The following CYFIP2 variants were observed in gnomAD, a reference collection of about 807,000 sequenced individuals.
The protein encoded by CYFIP2 is cytoplasmic FMR1 interacting protein 2.
CYFIP2 carries 29 observed loss-of-function variants against 158.7 expected under a neutral mutation model. The ratio of observed to expected loss-of-function variants is 0.18; its 90% CI spans 0.14 to 0.25. CYFIP2 has a LOEUF of 0.25. Among genes scored for constraint, CYFIP2 ranks in the 10% least tolerant of loss-of-function variants. The pLI is 1.00. For missense variants in CYFIP2, 852 were observed against 1,639.5 expected (o/e 0.52, Z 8.29); for synonymous variants, 585 against 617.6 (o/e 0.95, Z 0.78).
intron 3 of CYFIP2, among the ~76,000 whole-genome samples, 156 bp from the exon 4 acceptor site, chr5:157,294,627 G>A (rs542906162): frequency 6.6e-6 from 1 of 152,266 alleles, no homozygotes; most frequent in South Asian, 2.1e-4. Flanking sequence ...TAGGCCCAGG[G>A]AGGGACCTGA....
chr5:157,287,132 G>A, intron 3 of CYFIP2, 24 bp downstream of exon 3: 1 of 1,601,404 alleles, frequency 6.2e-7, no homozygotes, highest in Non-Finnish European at 8.6e-7. Flanking sequence ...ACCCACGTGT[G>A]CAGACATGCT....
chr5:157,291,889 A>T (rs1757845893), intron 3 of CYFIP2, among the ~76,000 whole-genome samples: 1 of 152,226 alleles, frequency 6.6e-6, no homozygotes, highest in Middle Eastern at 3.2e-3. Flanking sequence ...GAGATGGCCT[A>T]GTAAAATTCT....
chr5:157,303,187 GA>G (rs1758923209), intron 7 of CYFIP2: 3 of 288,952 alleles, frequency 1.0e-5, no homozygotes, highest in Non-Finnish European at 2.0e-5. Context: ...TGTAATCCTA[GA>G]CCACCACTGA....
At chr5:157,327,899 G>A (rs574422665) in intron 18 of CYFIP2, 74 bp from the exon 19 acceptor site, 1 of 1,439,556 alleles carries the variant, frequency 6.9e-7, no homozygotes, top group Non-Finnish European at 9.7e-7. Context: ...CCTGACTGCT[G>A]TCTTTCAGTT....
At position 157,285,545 on chromosome 5, in the gene CYFIP2, C is replaced by G. The variant is rs968323449; in HGVS notation, c.117+67C>G. 7.7e-6 allele frequency: 11 copies of G among 1,420,184 alleles called. No individual in the cohort carries two copies. In the East Asian group the frequency reaches 2.5e-4, roughly 32 times the overall value. The allele number at this position is 1,420,184 out of a possible 1,614,324, so 88.0% of individuals were successfully genotyped here. A position where few individuals can be genotyped will look rare whatever the true frequency, so the allele number is the denominator to read the frequency against. On this transcript the variant is annotated intron_variant, in intron 2 of 30. Coordinates refer to ENST00000620254, the MANE Select transcript of CYFIP2 (RefSeq NM_001037333.3). ...TGGGGATCCCCTAAGAGAGTTTGCC[C>G]TAAGGCAGAGGGAAGGGGAGGTCTG... is the stretch of plus-strand genomic sequence containing the variant.
intron 1 of CYFIP2, among the ~76,000 whole-genome samples, chr5:157,268,422 A>G (rs550196755): frequency 1.3e-5 from 2 of 152,332 alleles, no homozygotes; most frequent in East Asian, 1.9e-4. Flanking sequence ...CTGGTAGAAC[A>G]CTACATGACC....
rs143886830 is a variant in CYFIP2 at position 157,322,852 on chromosome 5, T to TTCTC, written c.1672-1055_1672-1052dup. On this transcript the variant is annotated intron_variant, in intron 15 of 30. Transcript: ENST00000620254. ...CCACCGTATACAATACCTCTTGCTTTTCTCTCTCTCTCTCTCTTTCTCTCT... is the reference window on the plus strand; with the variant it reads ...CCACCGTATACAATACCTCTTGCTTTTCTCTCTCTCTCTCTCTCTCTTTCTCTCT... The TTCTC allele has an allele frequency of 8.8e-6, 11 of 1,248,704 alleles. No individual in the cohort carries two copies. In the East Asian group the frequency reaches 1.1e-4, roughly 12 times the overall value. 77.4% of individuals were successfully genotyped at this position (1,248,704 alleles called of 1,614,324 possible). A position where few individuals can be genotyped will look rare whatever the true frequency, so the allele number is the denominator to read the frequency against.
chr5:157,348,839 C>T (rs977036650), intron 23 of CYFIP2, among the ~76,000 whole-genome samples: 2 of 152,118 alleles, frequency 1.3e-5, no homozygotes, highest in Non-Finnish European at 2.9e-5. Context: ...CATGCCTCTT[C>T]CCAAGAGCTA....
chr5:157,359,436 C>T (rs1047688863), intron 24 of CYFIP2, among the ~76,000 whole-genome samples: 6 of 152,172 alleles, frequency 3.9e-5, no homozygotes, highest in Non-Finnish European at 8.8e-5. Flanking sequence ...TGTCCTTCAG[C>T]GCTTGCCACT....
intron 8 of CYFIP2, chr5:157,304,882 A>T (rs1277915764): frequency 6.6e-6 from 1 of 152,462 alleles, no homozygotes; most frequent in South Asian, 2.1e-4. Context: ...TGTATGCTGT[A>T]CTCAAAGTGT....
chr5:157,293,714 A>T (rs567733251), intron 3 of CYFIP2, among the ~76,000 whole-genome samples: 1 of 152,230 alleles, frequency 6.6e-6, no homozygotes, highest in South Asian at 2.1e-4. Context: ...CACTGCACAG[A>T]CAAAACCAAT....
rs1177652038 is a variant in CYFIP2, at chr5:157,333,309, C to G, written c.2266-18C>G. 3.7e-6 allele frequency: 6 copies of G among 1,612,274 alleles called. No homozygotes were observed. Among genetic ancestry groups the G allele is most frequent in the Non-Finnish European group, 5.1e-6 (6 of 1,178,920 alleles). Reference sequence around the variant, plus strand: ...AGTGTGAATTTTAAGTAACTTTTCTCTCTCTCTCTTCATCCAGCTGTTGGG... The same window carrying G: ...AGTGTGAATTTTAAGTAACTTTTCTGTCTCTCTCTTCATCCAGCTGTTGGG... On this transcript the variant is annotated intron_variant, in intron 20 of 30. Coordinates refer to ENST00000620254, the MANE Select transcript of CYFIP2 (RefSeq NM_001037333.3).
At chr5:157,302,526 C>A (rs1172077024) in intron 6 of CYFIP2, among the ~76,000 whole-genome samples, 1 of 152,162 alleles carries the variant, frequency 6.6e-6, no homozygotes, top group African/African-American at 2.4e-5. Context: ...TGCTAGTTCC[C>A]CTTAAACTTT....
rs1186284933 is a variant in CYFIP2 at position 157,309,887 on chromosome 5, C to T, written c.992+53C>T. The T allele has an allele frequency of 4.6e-6, 7 of 1,524,902 alleles. No individual in the cohort carries two copies. In the East Asian group the frequency reaches 1.7e-4, roughly 37 times the overall value. The allele number at this position is 1,524,902 out of a possible 1,614,324, so 94.5% of individuals were successfully genotyped here. A position where few individuals can be genotyped will look rare whatever the true frequency, so the allele number is the denominator to read the frequency against. Reference sequence around the variant, plus strand: ...CTCCCGCAAGGATGCCCAGCCCGGGCAGAGAGCCGAGGGGCCACTTCAGCC... The same window carrying T: ...CTCCCGCAAGGATGCCCAGCCCGGGTAGAGAGCCGAGGGGCCACTTCAGCC... On this transcript the variant is annotated intron_variant, in intron 10 of 30. Transcript: ENST00000620254.
At chr5:157,368,930 A>G (rs554421889) in intron 26 of CYFIP2, among the ~76,000 whole-genome samples, 3 of 145,210 alleles carry the variant, frequency 2.1e-5, no homozygotes, top group East Asian at 4.0e-4. Flanking sequence ...ACAGAGTCTC[A>G]CTCTCTTGCC....
At chr5:157,336,981 C>T (rs940424297) in intron 21 of CYFIP2, among the ~76,000 whole-genome samples, 3 of 152,196 alleles carry the variant, frequency 2.0e-5, no homozygotes, top group Non-Finnish European at 2.9e-5. Context: ...CTTGTGAACA[C>T]GGATGTATGT....
intron 7 of CYFIP2, among the ~76,000 whole-genome samples, chr5:157,303,416 A>G (rs1279073260): frequency 6.6e-6 from 1 of 152,072 alleles, no homozygotes; most frequent in Non-Finnish European, 1.5e-5. Context: ...GCCAGGGTAC[A>G]CCCCTCAGCT....
At chr5:157,322,726 G>T (rs1760699012) in intron 15 of CYFIP2, among the ~76,000 whole-genome samples, 1 of 152,230 alleles carries the variant, frequency 6.6e-6, no homozygotes, top group South Asian at 2.1e-4. Context: ...GGCATGTGAT[G>T]GGGGAGATCC....
At chr5:157,274,224 C>T (rs1331468359) in intron 1 of CYFIP2, among the ~76,000 whole-genome samples, 2 of 152,000 alleles carry the variant, frequency 1.3e-5, no homozygotes, top group East Asian at 1.9e-4. Flanking sequence ...CATTTTAGCA[C>T]CCCAAAAAGA....
Sources: allele counts gnomAD v4.1 joint callset (sites outside exome capture counted in the v4.1 genomes callset), GRCh38; gene constraint gnomAD v4.1.1; transcripts MANE v1.5; gene names NCBI Gene and HGNC (gene_info 2026-07-23, HGNC 2026-07-21).